PTPRM: variants seen among roughly 807,000 people sequenced by gnomAD.
PTPRM encodes receptor-type tyrosine-protein phosphatase mu.
PTPRM carries 47 observed loss-of-function variants against 186.7 expected under a neutral mutation model. The observed-to-expected ratio is 0.25, with a 90% CI of 0.20 to 0.32. PTPRM has a LOEUF of 0.32. PTPRM is among the 10% of genes least tolerant of loss of function. PTPRM has a pLI of 1.00. For synonymous variants in PTPRM, 668 were observed against 674.9 expected (o/e 0.99, Z 0.16); for missense variants, 1,494 against 1,865.0 (o/e 0.80, Z 3.66).
chr18:8,260,836 G>A (rs542946598), intron 19 of PTPRM, among the ~76,000 whole-genome samples: 18 of 152,352 alleles, frequency 1.2e-4, no homozygotes, highest in South Asian at 2.1e-4. Context: ...AGCAGGGCGC[G>A]GGAGGAAGGC....
At chr18:8,278,370 T>C (rs1011999644) in intron 19 of PTPRM, among the ~76,000 whole-genome samples, 12 of 152,212 alleles carry the variant, frequency 7.9e-5, no homozygotes, top group Non-Finnish European at 1.3e-4. Flanking sequence ...AGCTGAAATG[T>C]ACATAAATCT....
Position 8,040,836 on chromosome 18 carries a change from A to G in PTPRM, c.1133-28850A>G, listed in dbSNP as rs867344902. 9.8e-5 allele frequency among the ~76,000 whole-genome samples: 15 copies of G among 152,342 alleles called. No homozygotes were observed. The Middle Eastern group carries it at 0.01, about 104-fold the overall frequency. On this transcript the variant is annotated intron_variant, in intron 7 of 32. Coordinates refer to ENST00000580170, the MANE Select transcript of PTPRM (RefSeq NM_001105244.2). ...AACTTGCTAAAATTGATTTCATCCT[A>G]TATTCCTTGGCTCAAGTTGATTACA...
chr18:8,316,145 A>G (rs2095307402), intron 21 of PTPRM, among the ~76,000 whole-genome samples: 1 of 152,188 alleles, frequency 6.6e-6, no homozygotes, highest in Admixed American at 6.5e-5. Context: ...ACTTACCTCC[A>G]GGCCAACTGT....
intron 11 of PTPRM, among the ~76,000 whole-genome samples, chr18:8,105,514 T>A (rs911641106): frequency 1.4e-4 from 21 of 152,246 alleles, no homozygotes; most frequent in Admixed American, 1.4e-3. Flanking sequence ...TTTTATACAA[T>A]GAAACTTAAT....
At chr18:7,797,761 A>G (rs1203953733) in intron 2 of PTPRM, among the ~76,000 whole-genome samples, 1 of 152,142 alleles carries the variant, frequency 6.6e-6, no homozygotes, top group African/African-American at 2.4e-5. Context: ...TTTTCATAGC[A>G]AGGGCCTGGA....
At chr18:7,766,502 G>C (rs961606787) in intron 1 of PTPRM, among the ~76,000 whole-genome samples, 2 of 152,202 alleles carry the variant, frequency 1.3e-5, no homozygotes, top group African/African-American at 4.8e-5. Flanking sequence ...AGTTACTATG[G>C]GGCTGCACCT....
chr18:8,391,803 C>G (rs1212149990), intron 31 of PTPRM, among the ~76,000 whole-genome samples: 6 of 152,226 alleles, frequency 3.9e-5, no homozygotes, highest in Admixed American at 6.5e-5. Context: ...ACACGATGAT[C>G]TCTCTTAAAA....
chr18:8,139,032 T>G (rs1414230868), intron 13 of PTPRM, among the ~76,000 whole-genome samples: 2 of 152,136 alleles, frequency 1.3e-5, no homozygotes, highest in Non-Finnish European at 2.9e-5. Flanking sequence ...AATCACCATC[T>G]TTTTTATGAC....
intron 14 of PTPRM, among the ~76,000 whole-genome samples, chr18:8,240,545 G>GGAAGGAAGGAAGGAAA (rs2094408312): frequency 8.9e-6 from 1 of 112,652 alleles, no homozygotes; most frequent in Non-Finnish European, 1.8e-5. Context: ...AAGGAAGGAA[G>GGAAGGAAGGAAGGAAA]GAAGGAAAGA....
At chr18:8,115,609 A>C (rs2091926773) in intron 13 of PTPRM, among the ~76,000 whole-genome samples, 1 of 152,234 alleles carries the variant, frequency 6.6e-6, no homozygotes. Flanking sequence ...AATCATTTAG[A>C]TCATTGGAGT....
At chr18:8,276,320 C>T (rs1268806909) in intron 19 of PTPRM, among the ~76,000 whole-genome samples, 1 of 152,118 alleles carries the variant, frequency 6.6e-6, no homozygotes, top group East Asian at 1.9e-4. Flanking sequence ...AGGAGGCCTT[C>T]AGTTCTTTGA....
intron 1 of PTPRM, among the ~76,000 whole-genome samples, chr18:7,602,411 G>A (rs1172596162): frequency 2.0e-5 from 3 of 151,782 alleles, no homozygotes; most frequent in Admixed American, 2.0e-4. Context: ...GGTTATCTGG[G>A]AAGTTTGATT....
chr18:7,622,946 A>G (rs768063507), intron 1 of PTPRM, among the ~76,000 whole-genome samples: 1 of 152,120 alleles, frequency 6.6e-6, no homozygotes, highest in Non-Finnish European at 1.5e-5. Context: ...TAATCCCTCC[A>G]AGATTTTTTT....
intron 1 of PTPRM, among the ~76,000 whole-genome samples, chr18:7,667,941 T>C (rs1042439528): frequency 2.7e-5 from 4 of 150,396 alleles, no homozygotes; most frequent in African/African-American, 9.8e-5. Flanking sequence ...ATACTGATCA[T>C]TTTTTTTTTC....
At position 7,773,997 on chromosome 18, in the gene PTPRM, G is replaced by T. The variant is rs2042461723; in HGVS notation, c.74-152G>T. On this transcript the variant is annotated intron_variant, in intron 1 of 32. Coordinates refer to ENST00000580170, the MANE Select transcript of PTPRM (RefSeq NM_001105244.2). ...GCAGCACTCAGCAAGGGATCACTAA[G>T]TGTTGGATGCACAGCTCCTGAGTGG... is the stretch of plus-strand genomic sequence containing the variant. The T allele has an allele frequency of 1.0e-5, 7 of 688,428 alleles. No homozygotes were observed. The East Asian group carries it at 2.0e-4, about 19-fold the overall frequency. The allele number at this position is 688,428 out of a possible 1,614,324, so 42.6% of individuals were successfully genotyped here.
intron 2 of PTPRM, among the ~76,000 whole-genome samples, chr18:7,874,958 C>T (rs992015698): frequency 6.6e-6 from 1 of 152,110 alleles, no homozygotes; most frequent in African/African-American, 2.4e-5. Flanking sequence ...TTTGGGAGTC[C>T]GCGGCGGGCG....
chr18:8,154,917 CTT>C (rs2093087841), intron 14 of PTPRM: 1 of 152,166 alleles, frequency 6.6e-6, no homozygotes, highest in African/African-American at 2.4e-5. Flanking sequence ...AATGTATACA[CTT>C]ATTTTTACTT....
chr18:8,215,815 T>C (rs1452561835), intron 14 of PTPRM, among the ~76,000 whole-genome samples: 1 of 152,154 alleles, frequency 6.6e-6, no homozygotes, highest in African/African-American at 2.4e-5. Context: ...CCCAAAGTGC[T>C]GCAATTACAG....
Position 7,761,322 on chromosome 18 carries a change from T to C in PTPRM, c.74-12827T>C, listed in dbSNP as rs73393543. ...TTGAGATTGAATATGTATTAACTAC[T>C]TGTATGTTTCATAAATTTGAAATAC... is the stretch of plus-strand genomic sequence containing the variant. On this transcript the variant is annotated intron_variant, in intron 1 of 32. Coordinates refer to ENST00000580170, the MANE Select transcript of PTPRM (RefSeq NM_001105244.2). Among the ~76,000 whole-genome samples, 861 of 152,352 alleles carry C rather than the reference T, an allele frequency of 5.7e-3. 6 individuals are homozygous for C. The highest frequency in any genetic ancestry group is 0.019 in the African/African-American group (777 of 41,582).
Sources: allele counts gnomAD v4.1 joint callset (sites outside exome capture counted in the v4.1 genomes callset), GRCh38; gene constraint gnomAD v4.1.1; transcripts MANE v1.5; gene names NCBI Gene and HGNC (gene_info 2026-07-23, HGNC 2026-07-21).